The following SIL1 variants were observed in gnomAD, a reference collection of about 807,000 sequenced individuals.
SIL1 encodes SIL1 nucleotide exchange factor, also known as nucleotide exchange factor SIL1.
Under a neutral mutation model 49.1 loss-of-function variants are expected in SIL1, and 40 were observed. The observed-to-expected ratio is 0.81, with a 90% CI of 0.63 to 1.06. The LOEUF is 1.06. Among genes scored for constraint, SIL1 ranks in the 50% least tolerant of loss-of-function variants. The pLI is 0.00. For synonymous variants in SIL1, 253 were observed against 250.8 expected (o/e 1.01, Z -0.08); for missense variants, 500 against 572.6 (o/e 0.87, Z 1.29).
At chr5:139,059,895 A>G (rs573907531) in intron 3 of SIL1, among the ~76,000 whole-genome samples, 2 of 152,296 alleles carry the variant, frequency 1.3e-5, no homozygotes, top group South Asian at 4.1e-4. Context: ...TATCTACAAT[A>G]TATTTTTGTT....
chr5:139,131,939 A>C (rs1443088150), intron 1 of SIL1, among the ~76,000 whole-genome samples: 1 of 152,210 alleles, frequency 6.6e-6, no homozygotes, highest in Non-Finnish European at 1.5e-5. Context: ...AAAAGAATAA[A>C]GAATAGAAGT....
intron 7 of SIL1, among the ~76,000 whole-genome samples, chr5:138,988,721 A>T (rs1230170987): frequency 2.0e-5 from 3 of 152,040 alleles, no homozygotes; most frequent in Admixed American, 2.0e-4. Context: ...AAAAATTTTT[A>T]AATTGGCCAG....
intron 3 of SIL1, among the ~76,000 whole-genome samples, chr5:139,099,925 G>C (rs577433877): frequency 1.1e-4 from 17 of 152,124 alleles, no homozygotes; most frequent in Non-Finnish European, 4.4e-5. Flanking sequence ...ATAACTAAAA[G>C]AGTATAACTG....
In SIL1 at chr5:139,075,212, C is replaced by T. The variant is rs1055296225; in HGVS notation, c.245-24166G>A. On this transcript the variant is annotated intron_variant, in intron 3 of 9. Transcript: ENST00000394817. ...ACCAACCAGAGTCTGAAAGCACTAT[C>T]CACAGAAACCTCTGAAAGAAGAGTG... Among the ~76,000 whole-genome samples the T allele has an allele frequency of 2.6e-5, 4 of 152,164 alleles. No homozygotes were observed. In the East Asian group the frequency reaches 7.7e-4, roughly 29 times the overall value.
At chr5:139,023,537 C>T (rs1768576727) in intron 6 of SIL1, among the ~76,000 whole-genome samples, 1 of 152,220 alleles carries the variant, frequency 6.6e-6, no homozygotes, top group Non-Finnish European at 1.5e-5. Flanking sequence ...GGAGGCCGCT[C>T]CTCATAAATA....
At chr5:139,055,046 C>A (rs1292387970) in intron 3 of SIL1, among the ~76,000 whole-genome samples, 2 of 152,124 alleles carry the variant, frequency 1.3e-5, no homozygotes, top group Admixed American at 1.3e-4. Context: ...AAACAAGATA[C>A]ATACAGGTAA....
At chr5:139,021,668 T>A (rs1467445603) in intron 6 of SIL1, among the ~76,000 whole-genome samples, 1 of 152,208 alleles carries the variant, frequency 6.6e-6, no homozygotes, top group African/African-American at 2.4e-5. Flanking sequence ...CCATGCTTCC[T>A]GCTGATGTCC....
At position 139,166,208 on chromosome 5, in the gene SIL1, G is replaced by A. The variant is rs535187729; in HGVS notation, c.-11+32061C>T. On this transcript the variant is annotated intron_variant, in intron 1 of 9. Transcript: ENST00000394817. ...ACAACTGCACTGACAGAATTTGTCT[G>A]ATATAAATCAGAGTCATGTGCTGCA... Among the ~76,000 whole-genome samples, 9 of 152,308 alleles carry A rather than the reference G, an allele frequency of 5.9e-5. No individual in the cohort carries two copies. The South Asian group carries it at 1.7e-3, about 28-fold the overall frequency.
chr5:139,050,996 C>T lies in SIL1; in HGVS notation c.295G>A (p.Glu99Lys). The T allele has an allele frequency of 6.2e-7, 1 of 1,614,180 alleles. No homozygotes were observed. Among genetic ancestry groups the T allele is most frequent in the Non-Finnish European group, 8.5e-7 (1 of 1,180,022 alleles). ...TCATATTGGAGTTTTGCCTCTCTTT[C>T]CCCAGTCTGAAGATTCAGCCGTACG... ...SHVRLNLQTGEREAKLQYEDK... is the reference protein window; with the variant it reads ...SHVRLNLQTGKREAKLQYEDK... The change falls in exon 4 of 10, where the codon GAA (glutamate) becomes AAA (lysine). Residue 99 changes from glutamate (E) to lysine (K), a missense_variant. Coordinates refer to ENST00000394817, the MANE Select transcript of SIL1 (RefSeq NM_022464.5).
chr5:139,096,871 C>G (rs1023937005), intron 3 of SIL1, among the ~76,000 whole-genome samples: 11 of 151,928 alleles, frequency 7.2e-5, no homozygotes, highest in Non-Finnish European at 1.2e-4. Context: ...GTGGGTAGAG[C>G]ACCAAGCAGG....
intron 1 of SIL1, among the ~76,000 whole-genome samples, chr5:139,171,213 A>G (rs1751756690): frequency 6.6e-6 from 1 of 152,134 alleles, no homozygotes; most frequent in African/African-American, 2.4e-5. Context: ...CCAACAGCTC[A>G]TTGAGAACGG....
chr5:139,153,253 C>T (rs1185162290), intron 1 of SIL1, among the ~76,000 whole-genome samples: 3 of 152,170 alleles, frequency 2.0e-5, no homozygotes, highest in Admixed American at 2.0e-4. Flanking sequence ...CCTACTCATC[C>T]TAAAGGCTAC....
chr5:138,973,278 A>G (rs1767323125), intron 7 of SIL1, among the ~76,000 whole-genome samples: 1 of 151,834 alleles, frequency 6.6e-6, no homozygotes, highest in Admixed American at 6.6e-5. Flanking sequence ...AAAACACAGA[A>G]TCCAAAGGGC....
intron 3 of SIL1, among the ~76,000 whole-genome samples, chr5:139,077,926 T>A (rs1222709682): frequency 6.6e-6 from 1 of 152,158 alleles, no homozygotes; most frequent in African/African-American, 2.4e-5. Context: ...TGCTTCCTCA[T>A]CATCCTCATT....
chr5:138,994,617 G>A lies in SIL1; in HGVS notation c.767+26554C>T, dbSNP rs1306471187. Among the ~76,000 whole-genome samples, 7 of 152,154 alleles carry A rather than the reference G, an allele frequency of 4.6e-5. No individual in the cohort carries two copies. In the East Asian group the frequency reaches 1.2e-3, roughly 25 times the overall value. ...GAGTATGCCTAAAATCCATATGGAA[G>A]AGTAAAGCGCCAAAAATATCCAAGG... On this transcript the variant is annotated intron_variant, in intron 7 of 9. Transcript: ENST00000394817.
chr5:139,056,225 G>C (rs1769418478), intron 3 of SIL1, among the ~76,000 whole-genome samples: 1 of 150,548 alleles, frequency 6.6e-6, no homozygotes, highest in Admixed American at 6.6e-5. Flanking sequence ...TAGGAAGTGA[G>C]GAGCGCCTCT....
rs1177462043 is a variant in SIL1, at chr5:139,026,995, A to T, written c.454-3T>A. 2 of 1,614,132 alleles carry T rather than the reference A, an allele frequency of 1.2e-6. No individual in the cohort carries two copies. The highest frequency in any genetic ancestry group is 3.3e-5 in the Admixed American group (2 of 60,010). ...CGCTTTACCTCAGCCTGCCTTGCCT[A>T]AGGAGAGCAGCAAAGAGGTGATTAA... On this transcript the variant is annotated splice_polypyrimidine_tract_variant and splice_region_variant and intron_variant, in intron 5 of 9. Transcript: ENST00000394817.
intron 3 of SIL1, among the ~76,000 whole-genome samples, chr5:139,086,360 T>C (rs1028077745): frequency 6.6e-6 from 1 of 151,852 alleles, no homozygotes; most frequent in African/African-American, 2.4e-5. Flanking sequence ...ATTTTTATTT[T>C]ATTTTATTAT....
In SIL1 at chr5:138,946,928, C is replaced by T; in HGVS notation, c.*189G>A. On this transcript the variant is annotated 3_prime_UTR_variant, in exon 10 of 10. Transcript: ENST00000394817. ...CAGCAGAGCCCATCACCCAACCACT[C>T]ACCTGACCCCCCGGCCACAGGGCTG... The T allele has an allele frequency of 1.6e-6, 1 of 632,950 alleles. No individual in the cohort carries two copies. Among genetic ancestry groups the T allele is most frequent in the Admixed American group, 2.3e-5 (1 of 44,062 alleles). The allele number at this position is 632,950 out of a possible 1,614,324, so 39.2% of individuals were successfully genotyped here.
Sources: allele counts gnomAD v4.1 joint callset (sites outside exome capture counted in the v4.1 genomes callset), GRCh38; gene constraint gnomAD v4.1.1; transcripts MANE v1.5; gene names NCBI Gene and HGNC (gene_info 2026-07-23, HGNC 2026-07-21).